GRM8: variants seen among roughly 807,000 people sequenced by gnomAD.
The protein encoded by GRM8 is glutamate metabotropic receptor 8, also known as metabotropic glutamate receptor 8.
A neutral mutation model predicts 87.2 loss-of-function variants in GRM8; 47 were observed. The observed-to-expected ratio is 0.54, with a 90% CI of 0.43 to 0.69. The LOEUF (loss-of-function observed/expected upper bound fraction) is 0.69. Among genes scored for constraint, GRM8 ranks in the 30% least tolerant of loss-of-function variants. The pLI is 0.00. For synonymous variants in GRM8, 396 were observed against 404.5 expected (o/e 0.98, Z 0.25); for missense variants, 1,019 against 1,139.2 (o/e 0.89, Z 1.52).
intron 3 of GRM8, among the ~76,000 whole-genome samples, chr7:126,909,241 A>G (rs1000078707): frequency 6.6e-6 from 1 of 152,238 alleles, no homozygotes; most frequent in Admixed American, 6.5e-5. Context: ...TGACTTCATA[A>G]GAGGAAGAGG....
intron 7 of GRM8, among the ~76,000 whole-genome samples, chr7:126,647,324 T>C (rs200897695): frequency 1.8e-5 from 1 of 56,468 alleles, no homozygotes; most frequent in South Asian, 8.3e-4. Context: ...GATAGATAGA[T>C]AGATAGATAG....
At chr7:126,550,136 G>A (rs143419842) in intron 8 of GRM8, among the ~76,000 whole-genome samples, 17 of 150,248 alleles carry the variant, frequency 1.1e-4, no homozygotes, top group East Asian at 3.9e-4. Context: ...TTTTTTTTCC[G>A]AGACGGTCTC....
intron 7 of GRM8, among the ~76,000 whole-genome samples, chr7:126,759,438 T>C (rs1817360070): frequency 6.6e-6 from 1 of 152,074 alleles, no homozygotes; most frequent in Admixed American, 6.6e-5. Flanking sequence ...GAAGAAATAA[T>C]GAAAGAATGA....
At chr7:126,521,785 T>G (rs1033060945) in intron 9 of GRM8, among the ~76,000 whole-genome samples, 1 of 152,164 alleles carries the variant, frequency 6.6e-6, no homozygotes. Flanking sequence ...ATAAACTGAT[T>G]ATATATTTAA....
chr7:126,907,152 G>A (rs1213810184), intron 3 of GRM8, among the ~76,000 whole-genome samples: 2 of 151,432 alleles, frequency 1.3e-5, no homozygotes, highest in African/African-American at 2.4e-5. Context: ...GGAAGAAGGA[G>A]GAAGAGGAGA....
intron 1 of GRM8, among the ~76,000 whole-genome samples, chr7:127,246,739 G>A (rs1203361863): frequency 1.3e-5 from 2 of 152,188 alleles, no homozygotes; most frequent in African/African-American, 2.4e-5. Flanking sequence ...AGGCCAGAAG[G>A]ATACCTCCTC....
At chr7:126,544,768 A>C (rs531166437) in intron 8 of GRM8, among the ~76,000 whole-genome samples, 1 of 152,154 alleles carries the variant, frequency 6.6e-6, no homozygotes, top group African/African-American at 2.4e-5. Flanking sequence ...TCGGCCTCCC[A>C]AAGTGCTGGG....
intron 9 of GRM8, among the ~76,000 whole-genome samples, chr7:126,493,748 C>A (rs985131778): frequency 6.6e-6 from 1 of 151,992 alleles, no homozygotes; most frequent in Non-Finnish European, 1.5e-5. Flanking sequence ...ATAATGGCTA[C>A]CCTAGAGTTT....
chr7:126,888,364 C>T (rs927151152), intron 6 of GRM8, among the ~76,000 whole-genome samples: 1 of 152,046 alleles, frequency 6.6e-6, no homozygotes, highest in Admixed American at 6.6e-5. Context: ...CATTTTGCAC[C>T]ACCAATAAAG....
intron 9 of GRM8, among the ~76,000 whole-genome samples, chr7:126,484,514 T>C (rs951011796): frequency 1.3e-5 from 2 of 152,094 alleles, no homozygotes; most frequent in African/African-American, 4.8e-5. Flanking sequence ...AAGTTAGTCA[T>C]TGCAGGGCAA....
chr7:127,018,553 C>T (rs925145572), intron 3 of GRM8, among the ~76,000 whole-genome samples: 1 of 151,632 alleles, frequency 6.6e-6, no homozygotes, highest in Non-Finnish European at 1.5e-5. Flanking sequence ...TTCACCAGTT[C>T]TACCTACTAA....
intron 2 of GRM8, among the ~76,000 whole-genome samples, chr7:127,231,204 T>A (rs1231845663): frequency 6.6e-6 from 1 of 152,134 alleles, no homozygotes; most frequent in Non-Finnish European, 1.5e-5. Flanking sequence ...ATAGGTGGGT[T>A]AAATGCTAGC....
chr7:127,092,214 G>C (rs564156906), intron 3 of GRM8, among the ~76,000 whole-genome samples: 9 of 151,808 alleles, frequency 5.9e-5, no homozygotes, highest in Non-Finnish European at 1.2e-4. Context: ...TGTGACACTT[G>C]ACAATTTCTG....
intron 10 of GRM8, among the ~76,000 whole-genome samples, chr7:126,439,451 C>T (rs1801204281): frequency 6.6e-6 from 1 of 152,082 alleles, no homozygotes; most frequent in South Asian, 2.1e-4. Flanking sequence ...TAACACAACA[C>T]ATAATTCACA....
chr7:126,523,704 G>T (rs1301017826), intron 9 of GRM8, among the ~76,000 whole-genome samples: 1 of 152,110 alleles, frequency 6.6e-6, no homozygotes, highest in East Asian at 1.9e-4. Context: ...CGCCAGGTTG[G>T]CCAGGCTGGT....
intron 9 of GRM8, among the ~76,000 whole-genome samples, chr7:126,517,324 C>T (rs567139018): frequency 2.0e-4 from 31 of 152,216 alleles, no homozygotes; most frequent in African/African-American, 6.3e-4. Flanking sequence ...CGTCATCTCA[C>T]TTACCAACAA....
chr7:127,060,627 G>A (rs978121817), intron 3 of GRM8, among the ~76,000 whole-genome samples: 1 of 152,138 alleles, frequency 6.6e-6, no homozygotes, highest in African/African-American at 2.4e-5. Context: ...CCAATATGGA[G>A]TTAGTGAACT....
chr7:127,090,626 A>G (rs189248414), intron 3 of GRM8, among the ~76,000 whole-genome samples: 5 of 152,298 alleles, frequency 3.3e-5, no homozygotes, highest in African/African-American at 1.2e-4. Context: ...GCTATCATGT[A>G]CTTAAGCTAC....
chr7:126,523,792 C>T (rs1813392741), intron 9 of GRM8, among the ~76,000 whole-genome samples: 2 of 152,040 alleles, frequency 1.3e-5, no homozygotes, highest in East Asian at 1.9e-4. Context: ...CCACCATGCC[C>T]GGCCAGACCC....
Sources: allele counts gnomAD v4.1 joint callset (sites outside exome capture counted in the v4.1 genomes callset), GRCh38; gene constraint gnomAD v4.1.1; transcripts MANE v1.5; gene names NCBI Gene and HGNC (gene_info 2026-07-23, HGNC 2026-07-21).